UNC13C: variants seen among roughly 807,000 people sequenced by gnomAD.
UNC13C encodes the protein unc-13 homolog C, also known as protein unc-13 homolog C.
Under a neutral mutation model 245.4 loss-of-function variants are expected in UNC13C, and 174 were observed. The ratio of observed to expected loss-of-function variants is 0.71; its 90% CI spans 0.63 to 0.80. UNC13C has a LOEUF of 0.80. Ranked by LOEUF, UNC13C falls within the 30% of genes least tolerant of loss-of-function variation. The pLI is 0.00. For missense variants in UNC13C, 2,829 were observed against 2,602.9 expected (o/e 1.09, Z -1.89); for synonymous variants, 992 against 895.1 (o/e 1.11, Z -1.93).
intron 17 of UNC13C, among the ~76,000 whole-genome samples, chr15:54,391,443 C>T (rs542989560): frequency 6.6e-6 from 1 of 151,958 alleles, no homozygotes; most frequent in Non-Finnish European, 1.5e-5. Flanking sequence ...AATAAAATTT[C>T]TAACTTAAAA....
chr15:54,122,872 G>A (rs549306001), intron 2 of UNC13C, among the ~76,000 whole-genome samples: 7 of 151,930 alleles, frequency 4.6e-5, no homozygotes, highest in Non-Finnish European at 1.0e-4. Flanking sequence ...TGACATTTAT[G>A]TTATTTCCAG....
intron 4 of UNC13C, among the ~76,000 whole-genome samples, chr15:54,151,353 A>T (rs2032506782): frequency 6.6e-6 from 1 of 152,170 alleles, no homozygotes; most frequent in Non-Finnish European, 1.5e-5. Flanking sequence ...TAATCCTAGT[A>T]CATGTAAGCC....
intron 24 of UNC13C, among the ~76,000 whole-genome samples, chr15:54,514,951 GA>G (rs535830833): frequency 1.3e-5 from 2 of 150,718 alleles, no homozygotes; most frequent in Admixed American, 6.6e-5. Flanking sequence ...CCTATTTAGG[GA>G]AAAAAAAAGT....
rs146449619 is a variant in UNC13C, at chr15:54,575,054, G to T, written c.6106+7107G>T. ...ATTTATTTATTTGTTTATTTATTTT[G>T]AGATGGAGTCTGTCTCTGTCACCCA... On this transcript the variant is annotated intron_variant, in intron 30 of 32. Transcript: ENST00000260323. Among the ~76,000 whole-genome samples the T allele has an allele frequency of 4.5e-3, 686 of 152,064 alleles. 6 individuals are homozygous for T. Among genetic ancestry groups the T allele is most frequent in the African/African-American group, 0.016 (654 of 41,458 alleles).
chr15:54,265,029 T>G (rs1174585752), intron 9 of UNC13C, among the ~76,000 whole-genome samples: 1 of 152,010 alleles, frequency 6.6e-6, no homozygotes. Flanking sequence ...TTATGTTGGG[T>G]AATTTTTCAT....
intron 19 of UNC13C, among the ~76,000 whole-genome samples, chr15:54,424,221 T>A (rs998407804): frequency 6.6e-6 from 1 of 151,592 alleles, no homozygotes; most frequent in Non-Finnish European, 1.5e-5. Context: ...AAAATAGCTG[T>A]GACTATTTTT....
chr15:53,865,313 G>T, the UNC13C span, among the ~76,000 whole-genome samples: 1 of 152,150 alleles, frequency 6.6e-6, no homozygotes, highest in Non-Finnish European at 1.5e-5. Flanking sequence ...GGAGGCTTAA[G>T]CAGCTGAAAC....
chr15:54,048,748 G>A (rs1897148150), intron 2 of UNC13C: 1 of 280,956 alleles, frequency 3.6e-6, no homozygotes. Context: ...AGAATAACAG[G>A]ATATGGTGAT....
At chr15:54,482,628 C>CTCCCAGATGCTGTATTCCACTGTTCTG (rs1235532025) in intron 19 of UNC13C, among the ~76,000 whole-genome samples, 8 of 152,216 alleles carry the variant, frequency 5.3e-5, no homozygotes, top group African/African-American at 1.7e-4. Context: ...CCACTGTTCT[C>CTCCCAGATGCTGTATTCCACTGTTCTG]TCCCAGATGC....
intron 4 of UNC13C, among the ~76,000 whole-genome samples, chr15:54,172,760 A>ATCTTTACTCTATAGG (rs2033465659): frequency 9.8e-6 from 1 of 101,640 alleles, no homozygotes; most frequent in Non-Finnish European, 1.9e-5. Context: ...ATATATATAT[A>ATCTTTACTCTATAGG]TCTTTACTCT....
At chr15:54,100,158 C>G (rs996848841) in intron 2 of UNC13C, among the ~76,000 whole-genome samples, 1 of 150,250 alleles carries the variant, frequency 6.7e-6, no homozygotes, top group South Asian at 2.1e-4. Context: ...CCTCCAAGTA[C>G]CTTATTTCTT....
chr15:54,133,088 T>C (rs545246173), intron 2 of UNC13C, among the ~76,000 whole-genome samples: 53 of 147,314 alleles, frequency 3.6e-4, no homozygotes, highest in Non-Finnish European at 5.5e-4. Context: ...TCGTGGTAAC[T>C]GGTGAATAAA....
chr15:54,546,589 A>G, intron 26 of UNC13C, 133 bp from the exon 27 acceptor site: 1 of 475,142 alleles, frequency 2.1e-6, no homozygotes, highest in Non-Finnish European at 3.5e-6. Context: ...GAATCATGAA[A>G]TAGTTTTTTG....
At chr15:54,073,133 T>A (rs1333424418) in intron 2 of UNC13C, among the ~76,000 whole-genome samples, 1 of 152,154 alleles carries the variant, frequency 6.6e-6, no homozygotes, top group Non-Finnish European at 1.5e-5. Flanking sequence ...CATGTGGTGT[T>A]TTGTTTTCTG....
chr15:54,117,526 TC>T (rs1228399600), intron 2 of UNC13C, among the ~76,000 whole-genome samples: 1 of 60,374 alleles, frequency 1.7e-5, no homozygotes, highest in Non-Finnish European at 3.2e-5. Flanking sequence ...ATTATGTTTC[TC>T]TCTCTCTCTC....
At chr15:54,338,257 A>T in intron 16 of UNC13C, 104 bp from the exon 17 acceptor site, 1 of 1,331,112 alleles carries the variant, frequency 7.5e-7, no homozygotes, top group South Asian at 2.0e-5. Context: ...CTGAACATAG[A>T]AAAATCGACT....
At chr15:54,211,059 TA>T (rs1257401779) in intron 4 of UNC13C, among the ~76,000 whole-genome samples, 10 of 152,144 alleles carry the variant, frequency 6.6e-5, no homozygotes, top group Non-Finnish European at 1.2e-4. Context: ...GGCAGCACTC[TA>T]TAGCACTTAG....
chr15:54,090,805 T>A (rs561931824), intron 2 of UNC13C, among the ~76,000 whole-genome samples: 1 of 152,272 alleles, frequency 6.6e-6, no homozygotes, highest in East Asian at 1.9e-4. Flanking sequence ...TGGGCTAAGT[T>A]GCCTGAGACT....
chr15:54,561,705 T>A (rs1173647488), intron 29 of UNC13C, among the ~76,000 whole-genome samples: 1 of 151,966 alleles, frequency 6.6e-6, no homozygotes, highest in Non-Finnish European at 1.5e-5. Context: ...AAAAGAGGAT[T>A]CATCGATGAT....
Sources: gnomAD v4.1 joint callset for allele counts (sites outside exome capture counted in the v4.1 genomes callset) on GRCh38, gnomAD v4.1.1 for gene constraint, MANE v1.5 for transcripts, NCBI Gene and HGNC (gene_info 2026-07-23, HGNC 2026-07-21) for gene names.